The following NECAB1 variants were observed in gnomAD, a reference collection of about 807,000 sequenced individuals.
NECAB1 encodes the protein N-terminal EF-hand calcium-binding protein 1.
NECAB1 carries 29 observed loss-of-function variants against 57.5 expected under a neutral mutation model. The ratio of observed to expected loss-of-function variants is 0.50; its 90% CI spans 0.38 to 0.69. The LOEUF is 0.69. Among genes scored for constraint, NECAB1 ranks in the 30% least tolerant of loss-of-function variants. The pLI, the probability that NECAB1 is intolerant of heterozygous loss-of-function variation, is 0.00. For missense variants in NECAB1, 372 were observed against 413.8 expected, an observed-to-expected ratio of 0.90 and a Z score of 0.88; for synonymous variants, 142 against 147.7, an observed-to-expected ratio of 0.96 and a Z score of 0.28.
intron 2 of NECAB1, among the ~76,000 whole-genome samples, chr8:90,807,427 G>A (rs1179549957): frequency 6.6e-6 from 1 of 152,188 alleles, no homozygotes; most frequent in Non-Finnish European, 1.5e-5. Context: ...CGGTACGTAT[G>A]AGTATTTCCA....
At chr8:90,909,684 GT>G (rs1809780534) in intron 5 of NECAB1, among the ~76,000 whole-genome samples, 2 of 145,522 alleles carry the variant, frequency 1.4e-5, no homozygotes, top group Admixed American at 1.4e-4. Flanking sequence ...ATTTTGTTTT[GT>G]TTTTTACTCC....
intron 6 of NECAB1, among the ~76,000 whole-genome samples, chr8:90,919,223 A>ATCTCT (rs1407087254): frequency 6.6e-6 from 1 of 152,152 alleles, no homozygotes; most frequent in Non-Finnish European, 1.5e-5. Context: ...CAAGCTAGAG[A>ATCTCT]AGCTTGCAAA....
At chr8:90,830,686 GT>G (rs1413638692) in intron 3 of NECAB1, among the ~76,000 whole-genome samples, 2 of 152,088 alleles carry the variant, frequency 1.3e-5, no homozygotes, top group African/African-American at 4.8e-5. Flanking sequence ...GCTGATCTTT[GT>G]CCAGGCTTTA....
chr8:90,842,137 A>G (rs1812465800), intron 3 of NECAB1, among the ~76,000 whole-genome samples: 1 of 152,170 alleles, frequency 6.6e-6, no homozygotes, highest in South Asian at 2.1e-4. Flanking sequence ...CCACCATGGC[A>G]CACATTTACA....
intron 3 of NECAB1, among the ~76,000 whole-genome samples, chr8:90,841,191 C>A (rs1167017354): frequency 6.6e-6 from 1 of 150,820 alleles, no homozygotes; most frequent in Non-Finnish European, 1.5e-5. Context: ...ACCTGGGAGG[C>A]GGAGCTTGCA....
chr8:90,828,004 A>C (rs1324951107), intron 3 of NECAB1, among the ~76,000 whole-genome samples: 1 of 151,970 alleles, frequency 6.6e-6, no homozygotes, highest in Admixed American at 6.6e-5. Context: ...TTTAGATAGC[A>C]GTCATAATTC....
intron 5 of NECAB1, among the ~76,000 whole-genome samples, chr8:90,884,475 A>G (rs1808922680): frequency 6.6e-6 from 1 of 152,186 alleles, no homozygotes; most frequent in African/African-American, 2.4e-5. Flanking sequence ...GACAAACATC[A>G]TTACTATAAT....
chr8:90,909,375 G>GA (rs34312269), intron 5 of NECAB1, among the ~76,000 whole-genome samples: 43,671 of 145,054 alleles, frequency 0.3, 6,912 homozygotes, highest in East Asian at 0.6. Context: ...AGGCCTCTAC[G>GA]AAAAAAAAAA....
At chr8:90,793,093 A>G (rs55997084) in intron 1 of NECAB1, among the ~76,000 whole-genome samples, 2 of 152,088 alleles carry the variant, frequency 1.3e-5, no homozygotes. Context: ...GAGATGGGCC[A>G]GAAGCCAGAT....
intron 12 of NECAB1, 108 bp from the exon 13 acceptor site, chr8:90,955,379 C>A: frequency 1.4e-6 from 1 of 738,660 alleles, no homozygotes; most frequent in Non-Finnish European, 2.2e-6. Flanking sequence ...AGTTATTATG[C>A]AGACTAAAGG....
intron 1 of NECAB1, among the ~76,000 whole-genome samples, chr8:90,799,126 C>A (rs1811719204): frequency 1.3e-5 from 2 of 152,112 alleles, no homozygotes; most frequent in Non-Finnish European, 2.9e-5. Flanking sequence ...CTGTTCATGT[C>A]TTTTGCCCAC....
chr8:90,795,556 A>G (rs951267772), intron 1 of NECAB1, among the ~76,000 whole-genome samples: 2 of 152,234 alleles, frequency 1.3e-5, no homozygotes, highest in Non-Finnish European at 2.9e-5. Context: ...TCTTTTCACA[A>G]GGACACTTAA....
chr8:90,890,609 A>G (rs1435536817), intron 5 of NECAB1, among the ~76,000 whole-genome samples: 1 of 152,208 alleles, frequency 6.6e-6, no homozygotes, highest in Non-Finnish European at 1.5e-5. Context: ...ACATATAACA[A>G]GATGAAAAAT....
At chr8:90,837,329 T>C (rs12548141) in intron 3 of NECAB1, among the ~76,000 whole-genome samples, 71,648 of 152,028 alleles carry the variant, frequency 0.47, 20,450 homozygotes, top group African/African-American at 0.77. Flanking sequence ...ATGTATACTA[T>C]GTTTTTTCCT....
chr8:90,896,072 T>C (rs1337309661), intron 5 of NECAB1, among the ~76,000 whole-genome samples: 1 of 152,184 alleles, frequency 6.6e-6, no homozygotes, highest in Non-Finnish European at 1.5e-5. Context: ...ATAGGTATAC[T>C]TATTCTTGTC....
chr8:90,925,773 A>G, intron 7 of NECAB1, 117 bp downstream of exon 7: 1 of 1,376,966 alleles, frequency 7.3e-7, no homozygotes, highest in Non-Finnish European at 9.9e-7. Context: ...TCCTTATACC[A>G]AGTAAGTTTG....
intron 3 of NECAB1, among the ~76,000 whole-genome samples, chr8:90,849,927 C>G (rs1451277245): frequency 6.6e-6 from 1 of 152,106 alleles, no homozygotes; most frequent in Non-Finnish European, 1.5e-5. Flanking sequence ...TGCTTTTGCA[C>G]TTGAACTCTT....
intron 3 of NECAB1, among the ~76,000 whole-genome samples, chr8:90,826,128 A>G (rs1478484180): frequency 1.3e-5 from 2 of 151,880 alleles, no homozygotes; most frequent in Non-Finnish European, 2.9e-5. Flanking sequence ...GGTGGGGAGA[A>G]GAATATTCTA....
At chr8:90,841,706 G>T (rs1320672927) in intron 3 of NECAB1, among the ~76,000 whole-genome samples, 2 of 152,116 alleles carry the variant, frequency 1.3e-5, no homozygotes, top group Non-Finnish European at 2.9e-5. Flanking sequence ...AGGAAAGGGG[G>T]AACTGAGCAT....
Sources: gnomAD v4.1 joint callset for allele counts (sites outside exome capture counted in the v4.1 genomes callset) on GRCh38, gnomAD v4.1.1 for gene constraint, MANE v1.5 for transcripts, NCBI Gene and HGNC (gene_info 2026-07-23, HGNC 2026-07-21) for gene names.